Variants in HTR1F observed in about 807,000 individuals in gnomAD.
The protein encoded by HTR1F is 5-hydroxytryptamine (serotonin) receptor 1F, G protein-coupled.
HTR1F carries 17 observed loss-of-function variants against 24.0 expected under a neutral mutation model. The observed-to-expected ratio is 0.71, with a 90% CI of 0.48 to 1.06. HTR1F has a LOEUF of 1.06. Ranked by LOEUF, HTR1F falls within the 50% of genes least tolerant of loss-of-function variation. HTR1F has a pLI of 0.00. For synonymous variants in HTR1F, 186 were observed against 156.8 expected (o/e 1.19, Z -1.39); for missense variants, 391 against 427.8 (o/e 0.91, Z 0.76).
intron 2 of HTR1F, among the ~76,000 whole-genome samples, chr3:87,846,369 GGTT>G (rs1704944249): frequency 6.6e-6 from 1 of 151,844 alleles, no homozygotes; most frequent in Non-Finnish European, 1.5e-5. Context: ...GGGAGGCAGA[GGTT>G]GTTGCAGTGA....
chr3:87,980,504 G>GA, intron 2 of HTR1F, among the ~76,000 whole-genome samples: 1 of 152,190 alleles, frequency 6.6e-6, no homozygotes, highest in Non-Finnish European at 1.5e-5. Flanking sequence ...GGTGGGCCTG[G>GA]AAAAAGCACC....
At chr3:87,838,086 G>T (rs1019353546) in intron 2 of HTR1F, among the ~76,000 whole-genome samples, 2 of 151,902 alleles carry the variant, frequency 1.3e-5, no homozygotes, top group Admixed American at 6.6e-5. Flanking sequence ...AACCAGAGTC[G>T]AATTTCAATA....
At position 87,990,898 on chromosome 3, in the gene HTR1F, T is replaced by C. The variant is rs1296789332; in HGVS notation, c.149T>C (p.Val50Ala). The C allele has an allele frequency of 6.2e-7, 1 of 1,614,214 alleles. No individual in the cohort carries two copies. The highest frequency in any genetic ancestry group is 1.1e-5 in the South Asian group (1 of 91,086). Residue 50 changes from valine to alanine, a missense_variant, in exon 3 of 3, where the codon GTG becomes GCG. Coordinates refer to ENST00000319595, the MANE Select transcript of HTR1F (RefSeq NM_001322209.2). ...INSLVIAAII[V>A]TRKLHHPANY... is the part of the protein sequence containing the mutation. The stretch of plus-strand genomic sequence containing the variant: ...TCCCTTGTGATCGCTGCAATTATTG[T>C]GACCCGGAAGCTGCACCATCCAGCC...
intron 2 of HTR1F, among the ~76,000 whole-genome samples, chr3:87,822,744 C>T (rs527345326): frequency 1.3e-5 from 2 of 152,294 alleles, no homozygotes; most frequent in East Asian, 3.9e-4. Context: ...GATACACAAC[C>T]TGCACAAGCC....
At chr3:87,885,296 G>T (rs189651505) in intron 2 of HTR1F, among the ~76,000 whole-genome samples, 1 of 152,048 alleles carries the variant, frequency 6.6e-6, no homozygotes, top group Admixed American at 6.6e-5. Flanking sequence ...AAATCAATGA[G>T]AAAAAAAGAC....
At chr3:87,964,270 A>G (rs1351898001) in intron 2 of HTR1F, among the ~76,000 whole-genome samples, 1 of 152,192 alleles carries the variant, frequency 6.6e-6, no homozygotes, top group Non-Finnish European at 1.5e-5. Context: ...CCTTCTGGGT[A>G]TACATGACGC....
At chr3:87,872,616 A>T (rs532587868) in intron 2 of HTR1F, among the ~76,000 whole-genome samples, 1 of 152,176 alleles carries the variant, frequency 6.6e-6, no homozygotes, top group Non-Finnish European at 1.5e-5. Context: ...GAGACACTAC[A>T]GCTAATGCCA....
chr3:87,817,965 T>A (rs1234495854), intron 1 of HTR1F, among the ~76,000 whole-genome samples: 6 of 150,088 alleles, frequency 4.0e-5, no homozygotes, highest in East Asian at 1.9e-4. Flanking sequence ...CTGTGGAAAC[T>A]GATAACCTTC....
chr3:87,834,340 T>C (rs1704640984), intron 2 of HTR1F, among the ~76,000 whole-genome samples: 1 of 152,202 alleles, frequency 6.6e-6, no homozygotes, highest in Non-Finnish European at 1.5e-5. Context: ...CAAATACTCA[T>C]ATAAATACTC....
chr3:87,937,412 T>C (rs573924044), intron 2 of HTR1F, among the ~76,000 whole-genome samples: 1 of 152,252 alleles, frequency 6.6e-6, no homozygotes, highest in East Asian at 1.9e-4. Flanking sequence ...TTTGATAAAA[T>C]TCGACATTCC....
At chr3:87,914,191 C>T (rs756395042) in intron 2 of HTR1F, among the ~76,000 whole-genome samples, 11 of 152,088 alleles carry the variant, frequency 7.2e-5, no homozygotes, top group Admixed American at 1.3e-4. Context: ...AGCAGGAAAC[C>T]CCTGGAAGCT....
At chr3:87,941,154 T>G (rs1296644395) in intron 2 of HTR1F, among the ~76,000 whole-genome samples, 1 of 152,342 alleles carries the variant, frequency 6.6e-6, no homozygotes, top group East Asian at 1.9e-4. Context: ...CTTTAGGGCC[T>G]GGAAAGCTGC....
chr3:87,859,715 C>T (rs190106069), intron 2 of HTR1F, among the ~76,000 whole-genome samples: 3 of 152,298 alleles, frequency 2.0e-5, no homozygotes, highest in Admixed American at 2.0e-4. Flanking sequence ...CCTCTTGCTG[C>T]ATTCACAAGG....
At chr3:87,953,129 A>G (rs1704870209) in intron 2 of HTR1F, among the ~76,000 whole-genome samples, 1 of 151,824 alleles carries the variant, frequency 6.6e-6, no homozygotes, top group African/African-American at 2.4e-5. Flanking sequence ...ACATTTCAGG[A>G]CATTAGTCTA....
chr3:87,828,542 T>G (rs1704510052), intron 2 of HTR1F, among the ~76,000 whole-genome samples: 2 of 152,216 alleles, frequency 1.3e-5, no homozygotes, highest in African/African-American at 2.4e-5. Flanking sequence ...TGTGTGGATT[T>G]TATCACTTTT....
intron 2 of HTR1F, among the ~76,000 whole-genome samples, chr3:87,834,694 T>C (rs1704648697): frequency 6.6e-6 from 1 of 152,232 alleles, no homozygotes; most frequent in Admixed American, 6.5e-5. Context: ...TCCTGCTGCC[T>C]ATTTTTCTAT....
chr3:87,990,884 C>A lies in HTR1F; in HGVS notation c.135C>A (p.Ile45=). The A allele has an allele frequency of 6.2e-7, 1 of 1,614,180 alleles. No homozygotes were observed. Among genetic ancestry groups the A allele is most frequent in the Non-Finnish European group, 8.5e-7 (1 of 1,180,022 alleles). Residue 45 remains isoleucine (I), a synonymous_variant, in exon 3 of 3, where the codon ATC becomes ATA. Coordinates refer to ENST00000319595, the MANE Select transcript of HTR1F (RefSeq NM_001322209.2). ...CAACAACTATCAACTCCCTTGTGAT[C>A]GCTGCAATTATTGTGACCCGGAAGC... is the stretch of plus-strand genomic sequence containing the variant. ...LMTTTINSLV[I]AAIIVTRKLH...
intron 2 of HTR1F, among the ~76,000 whole-genome samples, chr3:87,939,466 A>G (rs1258561165): frequency 2.6e-5 from 4 of 152,004 alleles, no homozygotes; most frequent in Non-Finnish European, 5.9e-5. Flanking sequence ...CTCCTCTTGT[A>G]CCTCTAGTAG....
chr3:87,853,205 C>T (rs971909456), intron 2 of HTR1F, among the ~76,000 whole-genome samples: 6 of 149,806 alleles, frequency 4.0e-5, no homozygotes, highest in African/African-American at 1.5e-4. Context: ...TTTCCAGATC[C>T]TCTCCCCACT....
Sources: gnomAD v4.1 joint callset for allele counts (sites outside exome capture counted in the v4.1 genomes callset) on GRCh38, gnomAD v4.1.1 for gene constraint, MANE v1.5 for transcripts, NCBI Gene and HGNC (gene_info 2026-07-23, HGNC 2026-07-21) for gene names.